Variants in NUDT18 observed in about 807,000 individuals in gnomAD.
NUDT18 encodes the protein nudix hydrolase 18.
A neutral mutation model predicts 27.6 loss-of-function variants in NUDT18; 26 were observed. The ratio of observed to expected loss-of-function variants is 0.94; its 90% CI spans 0.69 to 1.31. The LOEUF is 1.31. Ranked by LOEUF, NUDT18 falls within the 50% of genes most tolerant of loss-of-function variation. The probability of loss-of-function intolerance (pLI) is 0.00; values close to 1 mark genes in which losing one functional copy is unlikely to be tolerated. For synonymous variants in NUDT18, 220 were observed against 196.9 expected, an observed-to-expected ratio of 1.12 and a Z score of -0.98; for missense variants, 450 against 433.4, an observed-to-expected ratio of 1.04 and a Z score of -0.34.
rs1285556797 is a variant in NUDT18 at position 22,109,197 on chromosome 8, G to A, written c.104C>T (p.Pro35Leu). Reference sequence around the variant, plus strand: ...GCACACGTTCTTCCGCAGCCGCACGGGCGCCGGCGGCTCCCCGGCCGGCGC... The same window carrying A: ...GCACACGTTCTTCCGCAGCCGCACGAGCGCCGGCGGCTCCCCGGCCGGCGC... ...DSAPAGEPPA[P>L]VRLRKNVCYV... The change falls in exon 1 of 3, where the codon CCC (proline) becomes CTC (leucine). Residue 35 changes from proline to leucine, a missense_variant. By Grantham distance (98) the Pro-to-Leu change is moderately conservative. Coordinates refer to ENST00000611621, the MANE Select transcript of NUDT18 (RefSeq NM_024815.4). The A allele has an allele frequency of 2.8e-6, 4 of 1,448,066 alleles. No homozygotes were observed. The highest frequency in any genetic ancestry group is 2.8e-5 in the Admixed American group (1 of 35,092). The allele number at this position is 1,448,066 out of a possible 1,614,324, so 89.7% of individuals were successfully genotyped here.
rs113802124 is a variant in NUDT18 at position 22,109,363 on chromosome 8, G to C, written c.-63C>G. ...ACCGACTGAGCCGAGCCGCGGGCTA[G>C]AGTGCGCTGCGGAGCCCGCTCCCAG... On this transcript the variant is annotated 5_prime_UTR_variant, in exon 1 of 3. Coordinates refer to ENST00000611621, the MANE Select transcript of NUDT18 (RefSeq NM_024815.4). 2,713 of 604,208 alleles carry C rather than the reference G, an allele frequency of 4.5e-3. 13 individuals carry two copies. Among genetic ancestry groups the C allele is most frequent in the African/African-American group, 0.032 (642 of 19,808 alleles). 37.4% of individuals were successfully genotyped at this position (604,208 alleles called of 1,614,324 possible).
At chr8:22,109,054 C>T in intron 1 of NUDT18, 85 bp downstream of exon 1, 2 of 1,088,502 alleles carry the variant, frequency 1.8e-6, no homozygotes, top group Non-Finnish European at 2.4e-6. Flanking sequence ...CGCGGCAGCG[C>T]TGGCTGTGGC....
intron 1 of NUDT18, 76 bp downstream of exon 1, chr8:22,109,063 G>T (rs575677924): frequency 8.6e-7 from 1 of 1,160,760 alleles, no homozygotes; most frequent in Non-Finnish European, 1.1e-6. Flanking sequence ...GCTGGCTGTG[G>T]CCGTTGGGTC....
Position 22,109,397 on chromosome 8 carries a change from G to GAGACCGCTCCCAGTCCCTGCGA in NUDT18, c.-98_-97insTCGCAGGGACTGGGAGCGGTCT. On this transcript the variant is annotated 5_prime_UTR_variant, in exon 1 of 3. Coordinates refer to ENST00000611621, the MANE Select transcript of NUDT18 (RefSeq NM_024815.4). ...GCGGAGCCCGCTCCCAGTCCCTGCG[G>GAGACCGCTCCCAGTCCCTGCGA]CAGCGGGCCGGGAGCTCACGAGAAC... The GAGACCGCTCCCAGTCCCTGCGA allele has an allele frequency of 8.5e-7, 1 of 1,170,392 alleles. No individual in the cohort carries two copies. The highest frequency in any genetic ancestry group is 1.1e-6 in the Non-Finnish European group (1 of 902,238). The allele number at this position is 1,170,392 out of a possible 1,614,324, so 72.5% of individuals were successfully genotyped here.
At chr8:22,110,377 G>C (rs775104066), upstream of NUDT18, among the ~76,000 whole-genome samples, 10 of 152,282 alleles carry the variant, frequency 6.6e-5, no homozygotes, top group Non-Finnish European at 1.3e-4. Flanking sequence ...CCAGCTGGAA[G>C]GGATCTGCGA....
In NUDT18 at chr8:22,107,866, C is replaced by G; in HGVS notation, c.406G>C (p.Asp136His). The G allele has an allele frequency of 6.3e-7, 1 of 1,594,416 alleles. No individual in the cohort carries two copies. The highest frequency in any genetic ancestry group is 2.2e-5 in the East Asian group (1 of 44,608). The change falls in exon 3 of 3, where the codon GAT becomes CAT. Residue 136 changes from aspartate (D) to histidine (H), a missense_variant. Transcript: ENST00000611621. ...GGILKTSKEA[D>H]AESLQAAWYP... Reference sequence around the variant, plus strand: ...CAGGCAGCCTGCAGGGACTCCGCATCGGCCTCCTTGGAAGTCTTGAGAATT... The same window carrying G: ...CAGGCAGCCTGCAGGGACTCCGCATGGGCCTCCTTGGAAGTCTTGAGAATT...
chr8:22,109,411 G>T lies in NUDT18; in HGVS notation c.-111C>A. The T allele has an allele frequency of 2.9e-6, 1 of 342,020 alleles. No homozygotes were observed. The highest frequency in any genetic ancestry group is 4.1e-6 in the Non-Finnish European group (1 of 242,010). The allele number at this position is 342,020 out of a possible 1,614,324, so 21.2% of individuals were successfully genotyped here. A position where few individuals can be genotyped will look rare whatever the true frequency, so the allele number is the denominator to read the frequency against. On this transcript the variant is annotated 5_prime_UTR_variant, in exon 1 of 3. Coordinates refer to ENST00000611621, the MANE Select transcript of NUDT18 (RefSeq NM_024815.4). ...CAGTCCCTGCGGCAGCGGGCCGGGA[G>T]CTCACGAGAACGCGGAAGCGCACGC...
Position 22,108,988 on chromosome 8 carries a change from G to A in NUDT18, c.162+151C>T, listed in dbSNP as rs1826415904. 2.1e-5 allele frequency: 11 copies of A among 524,028 alleles called. No individual in the cohort carries two copies. The South Asian group carries it at 4.0e-4, about 19-fold the overall frequency. 32.5% of individuals were successfully genotyped at this position (524,028 alleles called of 1,614,324 possible). ...TCTTCTGCATATCGGGACGAACGCA[G>A]GACACAGATGCGAGTGGGAGTGGGA... On this transcript the variant is annotated intron_variant, in intron 1 of 2. Coordinates refer to ENST00000611621, the MANE Select transcript of NUDT18 (RefSeq NM_024815.4).
rs1158531780 is a variant in NUDT18, at chr8:22,109,192, G to A, written c.109C>T (p.Arg37Trp). ...APAGEPPAPV[R>W]LRKNVCYVVL... is the part of the protein sequence containing the mutation. ...ACGTAGCACACGTTCTTCCGCAGCC[G>A]CACGGGCGCCGGCGGCTCCCCGGCC... Residue 37 changes from arginine (R) to tryptophan (W), a missense_variant, in exon 1 of 3, where the codon CGG (arginine) becomes TGG (tryptophan). Transcript: ENST00000611621. 2 of 1,450,410 alleles carry A rather than the reference G, an allele frequency of 1.4e-6. No individual in the cohort carries two copies. The highest frequency in any genetic ancestry group is 1.3e-5 in the South Asian group (1 of 74,650). The allele number at this position is 1,450,410 out of a possible 1,614,324, so 89.8% of individuals were successfully genotyped here.
rs776074338 is a variant in NUDT18, at chr8:22,107,591, C to T, written c.681G>A (p.Arg227=). ...GCAGGACGGCCATCTTCATGCCACC[C>T]CTCTGCTCCATAGGGTCGAGGCCAC... ...TACGLDPMEQ[R]GGMKMAVLRL... is the part of the protein sequence containing the mutation. The change falls in exon 3 of 3, where the codon AGG becomes AGA. Residue 227 remains arginine, a synonymous_variant. Transcript: ENST00000611621. The T allele has an allele frequency of 9.9e-6, 16 of 1,613,148 alleles. No individual in the cohort carries two copies. The highest frequency in any genetic ancestry group is 1.4e-5 in the Non-Finnish European group (16 of 1,179,896).
upstream of NUDT18, among the ~76,000 whole-genome samples, chr8:22,110,045 G>C (rs1266039526): frequency 6.6e-6 from 1 of 151,636 alleles, no homozygotes; most frequent in Non-Finnish European, 1.5e-5. Flanking sequence ...AGTGACAGGC[G>C]CTGGAAGGAG....
At chr8:22,108,027 C>T in intron 2 of NUDT18, 106 bp downstream of exon 2, 1 of 1,366,410 alleles carries the variant, frequency 7.3e-7, no homozygotes. Context: ...CCATGCCAGG[C>T]TGTGCCAGCC....
Position 22,107,787 on chromosome 8 carries a change from A to C in NUDT18, c.485T>G (p.Leu162Arg), listed in dbSNP as rs1223761644. The change falls in exon 3 of 3, where the codon CTG (leucine) becomes CGG (arginine). Residue 162 changes from leucine (L) to arginine (R), a missense_variant. Transcript: ENST00000611621. ...GCGATACTGGGCGGCTAGTTCAACC[A>C]GGTGCAGGATGTCATGGGCTCGCAG... ...TPLRAHDILHLVELAAQYRQQ... is the reference protein window; with the variant it reads ...TPLRAHDILHRVELAAQYRQQ... The C allele has an allele frequency of 6.2e-7, 1 of 1,613,528 alleles. No individual in the cohort carries two copies. The highest frequency in any genetic ancestry group is 8.5e-7 in the Non-Finnish European group (1 of 1,179,860).
chr8:22,109,265 G>T lies in NUDT18; in HGVS notation c.36C>A (p.Ser12=). The T allele has an allele frequency of 7.1e-7, 1 of 1,401,914 alleles. No individual in the cohort carries two copies. Among genetic ancestry groups the T allele is most frequent in the Non-Finnish European group, 9.2e-7 (1 of 1,083,988 alleles). 86.8% of individuals were successfully genotyped at this position (1,401,914 alleles called of 1,614,324 possible). The change falls in exon 1 of 3, where the codon TCC becomes TCA. Residue 12 remains serine (S), a synonymous_variant. Coordinates refer to ENST00000611621, the MANE Select transcript of NUDT18 (RefSeq NM_024815.4). The part of the protein sequence containing the change: ...ASEGLAGALA[S]VLAGQGSSVH... The stretch of plus-strand genomic sequence containing the variant: ...CGCTGGACCCCTGGCCAGCCAGCAC[G>T]GAAGCCAGCGCCCCCGCCAGGCCCT...
In NUDT18 at chr8:22,109,333, C is replaced by A; in HGVS notation, c.-33G>T. On this transcript the variant is annotated 5_prime_UTR_variant, in exon 1 of 3. Transcript: ENST00000611621. ...CCCGGGGGGCGGCGGGCCGGATCCT[C>A]GCAGACCGACTGAGCCGAGCCGCGG... 1 of 1,296,420 alleles carries A rather than the reference C, an allele frequency of 7.7e-7. No homozygotes were observed. Among genetic ancestry groups the A allele is most frequent in the Non-Finnish European group, 9.8e-7 (1 of 1,025,480 alleles). The allele number at this position is 1,296,420 out of a possible 1,614,324, so 80.3% of individuals were successfully genotyped here. A position where few individuals can be genotyped will look rare whatever the true frequency, so the allele number is the denominator to read the frequency against.
At position 22,107,551 on chromosome 8, in the gene NUDT18, AC is replaced by A; in HGVS notation, c.720del (p.Glu240AspfsTer3). Reference protein sequence around the residue: ...MKMAVLRLLQECLTLHHLVVE... With the variant: ...MKMAVLRLLQXCLTLHHLVVE... ...ACCACCAAGTGGTGCAGGGTCAGAC[AC>A]TCCTGCAGCAGCCGCAGGACGGCCA... On this transcript the variant is annotated frameshift_variant, in exon 3 of 3. Transcript: ENST00000611621. LOFTEE classifies it high-confidence loss of function. The A allele has an allele frequency of 1.2e-6, 2 of 1,612,618 alleles. No homozygotes were observed. The highest frequency in any genetic ancestry group is 1.7e-6 in the Non-Finnish European group (2 of 1,179,770).
upstream of NUDT18, chr8:22,109,421 A>C: frequency 3.2e-6 from 3 of 950,612 alleles, no homozygotes; most frequent in Non-Finnish European, 4.2e-6. Flanking sequence ...GCTCACGAGA[A>C]CGCGGAAGCG....
intron 1 of NUDT18, among the ~76,000 whole-genome samples, 169 bp downstream of exon 1, chr8:22,108,970 C>T (rs1196436773): frequency 6.6e-6 from 1 of 152,356 alleles, no homozygotes; most frequent in East Asian, 1.9e-4. Flanking sequence ...TCCTCTTCTG[C>T]ATATCGGGAC....
chr8:22,110,086 G>A (rs369061582), upstream of NUDT18, among the ~76,000 whole-genome samples: 1 of 152,116 alleles, frequency 6.6e-6, no homozygotes, highest in East Asian at 1.9e-4. Context: ...TGGCGGGAGG[G>A]GTCCGGGGCT....
Sources: allele counts gnomAD v4.1 joint callset (sites outside exome capture counted in the v4.1 genomes callset), GRCh38; gene constraint gnomAD v4.1.1; transcripts MANE v1.5; gene names NCBI Gene and HGNC (gene_info 2026-07-23, HGNC 2026-07-21).